The following RPS6KA2 variants were observed in gnomAD, a reference collection of about 807,000 sequenced individuals.
RPS6KA2 encodes the protein ribosomal protein S6 kinase alpha-2.
Under a neutral mutation model 91.8 loss-of-function variants are expected in RPS6KA2, and 42 were observed. That is an observed-to-expected ratio of 0.46 (90% confidence interval 0.36 to 0.59). RPS6KA2 has a LOEUF of 0.59. Among genes scored for constraint, RPS6KA2 ranks in the 20% least tolerant of loss-of-function variants. The pLI, the probability that RPS6KA2 is intolerant of heterozygous loss-of-function variation, is 0.00. For missense variants in RPS6KA2, 798 were observed against 978.5 expected (o/e 0.82, Z 2.46); for synonymous variants, 414 against 393.6 (o/e 1.05, Z -0.61).
At chr6:166,823,338 C>T (rs1263837902) in intron 2 of RPS6KA2, among the ~76,000 whole-genome samples, 1 of 152,090 alleles carries the variant, frequency 6.6e-6, no homozygotes, top group Non-Finnish European at 1.5e-5. Context: ...CTCACACAAA[C>T]TATTACAGAT....
chr6:166,502,580 G>T (rs1478153151), intron 6 of RPS6KA2, among the ~76,000 whole-genome samples: 3 of 152,212 alleles, frequency 2.0e-5, no homozygotes. Flanking sequence ...AGCCAGGGCC[G>T]CACGAGGAGG....
At chr6:166,496,743 C>G (rs1317480046) in intron 8 of RPS6KA2, among the ~76,000 whole-genome samples, 1 of 152,202 alleles carries the variant, frequency 6.6e-6, no homozygotes, top group South Asian at 2.1e-4. Context: ...CAGAAGGATG[C>G]CAGGAGCCCT....
intron 1 of RPS6KA2, among the ~76,000 whole-genome samples, chr6:166,560,412 T>C (rs1466929373): frequency 1.3e-5 from 2 of 152,328 alleles, no homozygotes; most frequent in East Asian, 1.9e-4. Flanking sequence ...AGATAAATTA[T>C]CATTCCAATG....
intron 2 of RPS6KA2, among the ~76,000 whole-genome samples, chr6:166,682,129 G>A (rs565277205): frequency 1.2e-4 from 19 of 152,218 alleles, no homozygotes; most frequent in Admixed American, 6.5e-5. Flanking sequence ...GGAATGTGAT[G>A]TTGAAATATG....
intron 2 of RPS6KA2, among the ~76,000 whole-genome samples, chr6:166,663,094 G>A (rs1788207037): frequency 6.6e-6 from 1 of 152,082 alleles, no homozygotes; most frequent in South Asian, 2.1e-4. Context: ...CTAAAAGGAT[G>A]AACCAATCCA....
In RPS6KA2 at chr6:166,541,699, C is replaced by T. The variant is rs372961233; in HGVS notation, c.100-2915G>A. Among the ~76,000 whole-genome samples, 33 of 152,316 alleles carry T rather than the reference C, an allele frequency of 2.2e-4. 2 individuals are homozygous for T. Among genetic ancestry groups the T allele is most frequent in the Admixed American group, 9.8e-4 (15 of 15,302 alleles). ...CCGGTCCATGCCACACCCCCACCTC[C>T]GTTGCAGAAGTTCACCTTCTTTAGT... On this transcript the variant is annotated intron_variant, in intron 1 of 20. Transcript: ENST00000265678.
At chr6:166,684,304 CT>C (rs1412431284) in intron 2 of RPS6KA2, among the ~76,000 whole-genome samples, 1 of 152,196 alleles carries the variant, frequency 6.6e-6, no homozygotes, top group Non-Finnish European at 1.5e-5. Context: ...CCAAAAGTTA[CT>C]GCCCTTTTCC....
chr6:166,723,914 G>A lies in RPS6KA2; in HGVS notation c.123+134286C>T, dbSNP rs535605849. ...GGGGTTTCTCCATGTTGGCCAGGCT[G>A]GCCTCGAACTCCTGACCTCAGGTGA... On this transcript the variant is annotated intron_variant, in intron 2 of 21. Coordinates refer to the RPS6KA2 transcript ENST00000503859. Among the ~76,000 whole-genome samples the A allele has an allele frequency of 4.6e-5, 7 of 152,144 alleles. No individual in the cohort carries two copies. The South Asian group carries it at 1.5e-3, about 32-fold the overall frequency.
At chr6:166,850,943 C>G (rs1780723805) in intron 2 of RPS6KA2, among the ~76,000 whole-genome samples, 1 of 152,138 alleles carries the variant, frequency 6.6e-6, no homozygotes, top group African/African-American at 2.4e-5. Context: ...AATAAAAAAT[C>G]TGCCCCCATT....
chr6:166,473,905 C>A (rs536771842), intron 10 of RPS6KA2, among the ~76,000 whole-genome samples: 1 of 150,530 alleles, frequency 6.6e-6, no homozygotes, highest in African/African-American at 2.4e-5. Flanking sequence ...ATTTCTTCAT[C>A]ACTTAAAGGT....
In RPS6KA2 at chr6:166,437,448, A is replaced by T. The variant is rs1338107767; in HGVS notation, c.1333-4958T>A. Among the ~76,000 whole-genome samples, 1 of 152,216 alleles carries T rather than the reference A, an allele frequency of 6.6e-6. No individual in the cohort carries two copies. The highest frequency in any genetic ancestry group is 1.5e-5 in the Non-Finnish European group (1 of 68,028). ...CTCAAATAATGCTGACGCGCCACGG[A>T]GTAGGAGTGGTGTCGTGGGGCGGGG... is the stretch of plus-strand genomic sequence containing the variant. On this transcript the variant is annotated intron_variant, in intron 14 of 20. Transcript: ENST00000265678. This position sits in a 1 kb window ranked among gnomAD's most constrained non-coding sequence, Gnocchi z 4.3.
rs1417459430 is a variant in RPS6KA2, at chr6:166,665,927, GA to G, written c.124-127144del. ...AATTCACATGTGAAATCCAGTTTCT[GA>G]GAGGCTCAGGAGCCTTCTTTGACAT... On this transcript the variant is annotated intron_variant, in intron 2 of 21. Transcript: ENST00000503859. The surrounding 1 kb of genome is among the most constrained non-coding windows in gnomAD (Gnocchi z 4.5). 6.6e-6 allele frequency among the ~76,000 whole-genome samples: 1 copy of G among 152,224 alleles called. No individual in the cohort carries two copies. The highest frequency in any genetic ancestry group is 1.5e-5 in the Non-Finnish European group (1 of 68,048).
rs1306779721 is a variant in RPS6KA2 at position 166,612,300 on chromosome 6, T to A, written c.99+14621A>T. Among the ~76,000 whole-genome samples the A allele has an allele frequency of 2.0e-5, 3 of 151,990 alleles. No individual in the cohort carries two copies. Among genetic ancestry groups the A allele is most frequent in the Non-Finnish European group, 2.9e-5 (2 of 67,980 alleles). On this transcript the variant is annotated intron_variant, in intron 1 of 20. Transcript: ENST00000265678. The surrounding 1 kb of genome is among the most constrained non-coding windows in gnomAD (Gnocchi z 4.3). ...GCAGGTGTGATGGAAGAAAAGAGAC[T>A]GGGACTTGTCCTTTCTGGCTTCTCA...
rs569359099 is a variant in RPS6KA2, at chr6:166,635,919, T to C, written c.124-97135A>G. ...CCAGGACAAGCCACCAACCCTACTCTAGACCAGGGTGGTCACCTGCTAGCT... is the reference window on the plus strand; with the variant it reads ...CCAGGACAAGCCACCAACCCTACTCCAGACCAGGGTGGTCACCTGCTAGCT... On this transcript the variant is annotated intron_variant, in intron 2 of 21. Coordinates refer to the RPS6KA2 transcript ENST00000503859. The surrounding 1 kb of genome is among the most constrained non-coding windows in gnomAD (Gnocchi z 4.8). Among the ~76,000 whole-genome samples, 1 of 152,200 alleles carries C rather than the reference T, an allele frequency of 6.6e-6. No homozygotes were observed. The highest frequency in any genetic ancestry group is 6.5e-5 in the Admixed American group (1 of 15,288).
chr6:166,785,237 G>T (rs1325534648), intron 2 of RPS6KA2, among the ~76,000 whole-genome samples: 2 of 152,150 alleles, frequency 1.3e-5, no homozygotes, highest in Admixed American at 1.3e-4. Context: ...GACATTCCCC[G>T]GAAAGCAGGG....
intron 2 of RPS6KA2, among the ~76,000 whole-genome samples, chr6:166,786,316 A>G (rs1293131434): frequency 6.6e-6 from 1 of 152,260 alleles, no homozygotes; most frequent in East Asian, 1.9e-4. Flanking sequence ...ACAGAACATA[A>G]GGAAGGAGAA....
At chr6:166,757,584 C>T (rs979676583) in intron 2 of RPS6KA2, 3 of 456,184 alleles carry the variant, frequency 6.6e-6, no homozygotes, top group South Asian at 1.5e-5. Flanking sequence ...TCATGATGCA[C>T]TCCCCAGGTC....
chr6:166,590,387 G>A (rs561137977), intron 1 of RPS6KA2, among the ~76,000 whole-genome samples: 10 of 152,282 alleles, frequency 6.6e-5, no homozygotes, highest in East Asian at 3.9e-4. Flanking sequence ...TGTGAACTCC[G>A]TGTCAGACTC....
intron 2 of RPS6KA2, among the ~76,000 whole-genome samples, chr6:166,661,663 A>T (rs1788167588): frequency 6.6e-6 from 1 of 152,112 alleles, no homozygotes; most frequent in South Asian, 2.1e-4. Context: ...TATCATTTTT[A>T]AATTTTGACA....
Sources: allele counts gnomAD v4.1 joint callset (sites outside exome capture counted in the v4.1 genomes callset), GRCh38; gene constraint gnomAD v4.1.1; non-coding constraint Gnocchi (gnomAD v3.1); transcripts MANE v1.5; gene names NCBI Gene and HGNC (gene_info 2026-07-23, HGNC 2026-07-21).